The following BRD4 variants were observed in gnomAD, a reference collection of about 807,000 sequenced individuals.
The protein encoded by BRD4 is bromodomain containing 4.
A neutral mutation model predicts 142.1 loss-of-function variants in BRD4; 16 were observed. The ratio of observed to expected loss-of-function variants is 0.11; its 90% CI spans 0.08 to 0.17. BRD4 has a LOEUF of 0.17. BRD4 is among the 10% of genes least tolerant of loss of function. The pLI, the probability that BRD4 is intolerant of heterozygous loss-of-function variation, is 1.00. For synonymous variants in BRD4, 833 were observed against 707.5 expected, an observed-to-expected ratio of 1.18 and a Z score of -2.82; for missense variants, 1,424 against 1,810.9, an observed-to-expected ratio of 0.79 and a Z score of 3.88.
In BRD4 at chr19:15,244,901, G is replaced by A. The variant is rs2047272305; in HGVS notation, c.2159-139C>T. 4.2e-6 allele frequency: 6 copies of A among 1,442,154 alleles called. No individual in the cohort carries two copies. In the Admixed American group the frequency reaches 6.4e-5, roughly 15 times the overall value. The allele number at this position is 1,442,154 out of a possible 1,614,324, so 89.3% of individuals were successfully genotyped here. ...GAGAAAGGGCAGCCGAGTTCAATGAGGGATGAGTTGGTCATCACGGGAGAG... is the reference window on the plus strand; with the variant it reads ...GAGAAAGGGCAGCCGAGTTCAATGAAGGATGAGTTGGTCATCACGGGAGAG... On this transcript the variant is annotated intron_variant, in intron 11 of 19. Coordinates refer to ENST00000679869, the MANE Select transcript of BRD4 (RefSeq NM_001379291.1).
At position 15,265,551 on chromosome 19, in the gene BRD4, C is replaced by G. The variant is rs1599465717; in HGVS notation, c.652G>C (p.Val218Leu). The G allele has an allele frequency of 6.2e-7, 1 of 1,613,984 alleles. No homozygotes were observed. Residue 218 changes from valine (V) to leucine (L), a missense_variant, in exon 5 of 20, where the codon GTG becomes CTG. By Grantham distance (32) the Val-to-Leu change is conservative. Around this residue, in one of 16 missense-constraint regions of BRD4, gnomAD observed 140 missense variants for 131.7 expected, o/e 1.06. Transcript: ENST00000679869. ...GGGAAGGGGTGAGGCGTGGCCTGCA[C>G]AGGAGGAGGATTCGGCTGAGGGGTC... The part of the protein sequence containing the change: ...TQTPQPNPPP[V>L]QATPHPFPAV...
At chr19:15,297,677 G>A (rs1480346287) in intron 1 of BRD4, among the ~76,000 whole-genome samples, 1 of 152,190 alleles carries the variant, frequency 6.6e-6, no homozygotes, top group Non-Finnish European at 1.5e-5. Flanking sequence ...CAGGGATCAG[G>A]TTTAGTGGGA....
chr19:15,264,623 T>C lies in BRD4; in HGVS notation c.993A>G (p.Pro331=), dbSNP rs764463585. ...RRESSRPVKP[P]KKDVPDSQQH... is the part of the protein sequence containing the mutation. Reference sequence around the variant, plus strand: ...GCTGAGAGTCGGGCACGTCCTTCTTTGGAGGTTTCACAGGCCGGCTGCTCT... The same window carrying C: ...GCTGAGAGTCGGGCACGTCCTTCTTCGGAGGTTTCACAGGCCGGCTGCTCT... Residue 331 remains proline, a synonymous_variant, in exon 6 of 20, where the codon CCA becomes CCG. Coordinates refer to ENST00000679869, the MANE Select transcript of BRD4 (RefSeq NM_001379291.1). 42 of 1,613,994 alleles carry C rather than the reference T, an allele frequency of 2.6e-5. No individual in the cohort carries two copies. Among genetic ancestry groups the C allele is most frequent in the African/African-American group, 2.5e-4 (19 of 75,008 alleles).
Position 15,238,434 on chromosome 19 carries a change from G to T in BRD4, c.4032C>A (p.Thr1344=), listed in dbSNP as rs1490636822. 1 of 1,614,096 alleles carries T rather than the reference G, an allele frequency of 6.2e-7. No individual in the cohort carries two copies. ...ERRRREAMAA[T]IDMNFQSDLL... ...GATCACTCTGGAAATTCATGTCAAT[G>T]GTAGCTGCCATCTGGAGGAGAAAGG... The change falls in exon 20 of 20, where the codon ACC becomes ACA. Residue 1344 remains threonine (T), a synonymous_variant. Coordinates refer to ENST00000679869, the MANE Select transcript of BRD4 (RefSeq NM_001379291.1). The surrounding 1 kb of genome is among the most constrained non-coding windows in gnomAD (Gnocchi z 7.2).
chr19:15,239,129 C>A lies in BRD4; in HGVS notation c.3712G>T (p.Glu1238Ter). The change falls in exon 18 of 20, where the codon GAG becomes TAG. Residue 1238 changes from glutamate to a stop codon, truncating the protein, a stop_gained. Coordinates refer to ENST00000679869, the MANE Select transcript of BRD4 (RefSeq NM_001379291.1). LOFTEE classifies it high-confidence loss of function. This position sits in a 1 kb window ranked among gnomAD's most constrained non-coding sequence, Gnocchi z 7.4. ...RRAAREKEER[E>*]KALKAQAEHA... is the part of the protein sequence containing the mutation. The stretch of plus-strand genomic sequence containing the variant: ...TCGGCCTGAGCCTTCAGGGCCTTCT[C>A]ACGCTCCTCTTTCTCCCGAGCGGCG... The A allele has an allele frequency of 6.2e-7, 1 of 1,611,038 alleles. No individual in the cohort carries two copies.
intron 1 of BRD4, among the ~76,000 whole-genome samples, chr19:15,298,366 G>A (rs574519719): frequency 3.3e-5 from 5 of 152,158 alleles, no homozygotes; most frequent in Middle Eastern, 3.4e-3. Flanking sequence ...GGCCGGGCAC[G>A]GTGGCTCACG....
intron 5 of BRD4, 142 bp downstream of exon 5, chr19:15,265,212 G>GCTGCAATTTCAACACAGCAAGAT: frequency 2.4e-6 from 2 of 847,294 alleles, no homozygotes; most frequent in Admixed American, 3.5e-5. Flanking sequence ...CTGTTTCTGG[G>GCTGCAATTTCAACACAGCAAGAT]CTGCAATTTC....
intron 1 of BRD4, chr19:15,331,891 T>TC (rs2048163642): frequency 6.9e-6 from 1 of 144,602 alleles, no homozygotes. Context: ...CTCCTCCTCC[T>TC]CCTCACTTAA....
At chr19:15,248,621 G>C (rs555790565) in intron 11 of BRD4, 20 of 227,138 alleles carry the variant, frequency 8.8e-5, no homozygotes, top group East Asian at 7.6e-4. Flanking sequence ...GAACAATGGA[G>C]ACGAAGGAGG....
At chr19:15,243,539 C>G in intron 13 of BRD4, 52 bp from the exon 14 acceptor site, 1 of 1,490,704 alleles carries the variant, frequency 6.7e-7, no homozygotes, top group Non-Finnish European at 8.9e-7. Flanking sequence ...GTGGCCCCAG[C>G]CTGGCCTTTC....
chr19:15,263,056 G>A (rs80031858), intron 7 of BRD4, among the ~76,000 whole-genome samples: 2 of 152,132 alleles, frequency 1.3e-5, no homozygotes, highest in African/African-American at 2.4e-5. Context: ...CAGTGCAGAT[G>A]TCCTCAGCTC....
intron 1 of BRD4, among the ~76,000 whole-genome samples, chr19:15,280,636 C>T (rs892845801): frequency 3.3e-5 from 5 of 152,162 alleles, no homozygotes; most frequent in Non-Finnish European, 7.3e-5. Context: ...CAGTAAGATG[C>T]CTGAGGGGAC....
At chr19:15,323,870 G>A (rs1203561731) in intron 1 of BRD4, among the ~76,000 whole-genome samples, 1 of 152,096 alleles carries the variant, frequency 6.6e-6, no homozygotes, top group Non-Finnish European at 1.5e-5. Flanking sequence ...AGCACTCCTC[G>A]GCCCCCATCT....
At chr19:15,281,609 T>C (rs370668418) in intron 1 of BRD4, among the ~76,000 whole-genome samples, 170 of 152,328 alleles carry the variant, frequency 1.1e-3, no homozygotes, top group African/African-American at 3.8e-3. Flanking sequence ...CATTGTTACA[T>C]GTGGGTTACA....
intron 2 of BRD4, 100 bp from the exon 3 acceptor site, chr19:15,269,142 C>A (rs1332176125): frequency 1.7e-5 from 24 of 1,388,890 alleles, no homozygotes; most frequent in Non-Finnish European, 2.3e-5. Context: ...CCTGGCTGCT[C>A]CACAGGTAAA....
intron 1 of BRD4, among the ~76,000 whole-genome samples, chr19:15,318,124 TAGAA>T (rs1403961910): frequency 3.9e-5 from 6 of 152,124 alleles, no homozygotes; most frequent in Admixed American, 3.9e-4. Flanking sequence ...AATTACAAAA[TAGAA>T]AGGGGAAACT....
chr19:15,291,762 A>G (rs941635005), intron 1 of BRD4, among the ~76,000 whole-genome samples: 16 of 152,334 alleles, frequency 1.1e-4, no homozygotes, highest in Middle Eastern at 3.4e-3. Flanking sequence ...ATGAAAAACG[A>G]CTGAATATGC....
chr19:15,325,494 G>A (rs748275907), intron 1 of BRD4, among the ~76,000 whole-genome samples: 4 of 152,060 alleles, frequency 2.6e-5, no homozygotes, highest in Admixed American at 6.6e-5. Context: ...AAGGGCAAGA[G>A]CCTAGAGACA....
intron 11 of BRD4, among the ~76,000 whole-genome samples, chr19:15,251,135 G>A (rs958751692): frequency 5.3e-5 from 8 of 152,122 alleles, no homozygotes; most frequent in Non-Finnish European, 1.5e-5. Flanking sequence ...GGACACAGCT[G>A]GGAAAGCAGC....
Sources: allele counts gnomAD v4.1 joint callset (sites outside exome capture counted in the v4.1 genomes callset), GRCh38; gene constraint gnomAD v4.1.1; regional missense constraint gnomAD v4.1.1; non-coding constraint Gnocchi (gnomAD v3.1); transcripts MANE v1.5; gene names NCBI Gene and HGNC (gene_info 2026-07-23, HGNC 2026-07-21).